Variants in ZNF676 observed in about 807,000 individuals in gnomAD.
The protein encoded by ZNF676 is zinc finger protein 676.
Under a neutral mutation model 6.0 loss-of-function variants are expected in ZNF676, and 4 were observed. The observed-to-expected ratio is 0.67, with a 90% CI of 0.33 to 1.53. ZNF676 has a LOEUF of 1.53. Ranked by LOEUF, ZNF676 falls within the 40% of genes most tolerant of loss-of-function variation. The probability of loss-of-function intolerance (pLI) is 0.06; values close to 1 mark genes in which losing one functional copy is unlikely to be tolerated. For missense variants in ZNF676, 644 were observed against 679.7 expected (o/e 0.95, Z 0.58); for synonymous variants, 198 against 223.1 (o/e 0.89, Z 1.00).
intron 1 of ZNF676, among the ~76,000 whole-genome samples, chr19:22,213,139 A>C (rs1190197880): frequency 1.3e-5 from 2 of 152,196 alleles, no homozygotes; most frequent in Non-Finnish European, 2.9e-5. Context: ...CTGTTCACTT[A>C]AGTGCTCAAT....
upstream of ZNF676, among the ~76,000 whole-genome samples, chr19:22,218,338 T>A (rs1413232440): frequency 6.6e-6 from 1 of 152,038 alleles, no homozygotes; most frequent in Non-Finnish European, 1.5e-5. Context: ...ACTTTTTTTT[T>A]ATTTTTATTT....
intron 1 of ZNF676, among the ~76,000 whole-genome samples, chr19:22,214,186 G>A (rs1409390561): frequency 6.6e-6 from 1 of 152,200 alleles, no homozygotes; most frequent in East Asian, 1.9e-4. Context: ...ATAGGGGGTG[G>A]CAGATAGACT....
chr19:22,225,637 C>T, the ZNF676 span, among the ~76,000 whole-genome samples: 1 of 152,004 alleles, frequency 6.6e-6, no homozygotes, highest in Non-Finnish European at 1.5e-5. Context: ...TGATAGTGGC[C>T]GTTCCAATGG....
the ZNF676 span, among the ~76,000 whole-genome samples, chr19:22,229,197 C>G: frequency 6.6e-6 from 1 of 152,118 alleles, no homozygotes; most frequent in Non-Finnish European, 1.5e-5. Flanking sequence ...AATAACACCA[C>G]ACATCTACAA....
chr19:22,212,377 C>A (rs2024137673), intron 1 of ZNF676, among the ~76,000 whole-genome samples: 1 of 151,864 alleles, frequency 6.6e-6, no homozygotes, highest in Non-Finnish European at 1.5e-5. Context: ...ACCTTTCAAG[C>A]CCTACTAATA....
intron 2 of ZNF676, among the ~76,000 whole-genome samples, chr19:22,184,294 G>A (rs2023801715): frequency 6.6e-6 from 1 of 152,030 alleles, no homozygotes; most frequent in Non-Finnish European, 1.5e-5. Context: ...AAGGGTTTAG[G>A]GACTGTACCA....
the ZNF676 span, among the ~76,000 whole-genome samples, chr19:22,234,958 GCAAGAGAAAGAA>G: frequency 1.7e-5 from 2 of 120,724 alleles, no homozygotes; most frequent in African/African-American, 6.4e-5. Context: ...AAGAAAGAAA[GCAAGAGAAAGAA>G]AGAAAGAAAG....
chr19:22,215,334 T>C (rs746539274), intron 1 of ZNF676, among the ~76,000 whole-genome samples: 102 of 152,112 alleles, frequency 6.7e-4, no homozygotes, highest in Admixed American at 1.2e-3. Context: ...CAAGTCAGGA[T>C]TCTCCTCTGA....
chr19:22,223,300 A>G, the ZNF676 span, among the ~76,000 whole-genome samples: 24 of 152,050 alleles, frequency 1.6e-4, no homozygotes, highest in Non-Finnish European at 2.6e-4. Flanking sequence ...CTGGATCTCA[A>G]AGCTCTTTTG....
At chr19:22,186,963 A>G (rs1420472990) in intron 2 of ZNF676, among the ~76,000 whole-genome samples, 3 of 152,320 alleles carry the variant, frequency 2.0e-5, no homozygotes, top group African/African-American at 2.4e-5. Flanking sequence ...TGTCAATATT[A>G]GACAGATAAA....
chr19:22,233,403 G>A, the ZNF676 span, among the ~76,000 whole-genome samples: 4 of 152,062 alleles, frequency 2.6e-5, no homozygotes, highest in South Asian at 2.1e-4. Context: ...TGTAATCTTT[G>A]ATTGATATTT....
intron 1 of ZNF676, among the ~76,000 whole-genome samples, chr19:22,202,745 T>C (rs2024038417): frequency 6.6e-6 from 1 of 152,224 alleles, no homozygotes; most frequent in Non-Finnish European, 1.5e-5. Flanking sequence ...ACATAGTTCA[T>C]CCTGAATTCA....
chr19:22,188,086 T>C (rs1030431459), intron 2 of ZNF676, among the ~76,000 whole-genome samples: 3 of 152,126 alleles, frequency 2.0e-5, no homozygotes, highest in Non-Finnish European at 4.4e-5. Context: ...CCAATATCCC[T>C]GATGAACACT....
intron 2 of ZNF676, among the ~76,000 whole-genome samples, chr19:22,183,683 C>T (rs1335864856): frequency 6.6e-6 from 1 of 152,114 alleles, no homozygotes; most frequent in East Asian, 1.9e-4. Flanking sequence ...TGCCTTTCTA[C>T]AAGAGTCAGT....
intron 1 of ZNF676, among the ~76,000 whole-genome samples, chr19:22,214,413 G>A (rs990492389): frequency 2.0e-5 from 3 of 151,630 alleles, no homozygotes; most frequent in Non-Finnish European, 4.4e-5. Context: ...TCAGGAGTTC[G>A]AGACCAGCCT....
In ZNF676 at chr19:22,202,236, C is replaced by T. The variant is rs575432167; in HGVS notation, c.4-5510G>A. Among the ~76,000 whole-genome samples, 21 of 150,882 alleles carry T rather than the reference C, an allele frequency of 1.4e-4. No individual in the cohort carries two copies. The South Asian group carries it at 4.4e-3, about 32-fold the overall frequency. ...ATTTTACTCTGATTGGGTTTCTGTG[C>T]CCCATGGTCACTGAATCAGTTTCAG... On this transcript the variant is annotated intron_variant, in intron 1 of 3. Coordinates refer to the ZNF676 transcript ENST00000650058.
At chr19:22,241,586 T>G in the ZNF676 span, among the ~76,000 whole-genome samples, 1 of 151,862 alleles carries the variant, frequency 6.6e-6, no homozygotes, top group Non-Finnish European at 1.5e-5. Flanking sequence ...AGTGTCACAA[T>G]ATTACCTGTG....
At chr19:22,236,127 G>A in the ZNF676 span, among the ~76,000 whole-genome samples, 12 of 151,734 alleles carry the variant, frequency 7.9e-5, no homozygotes, top group African/African-American at 2.2e-4. Flanking sequence ...ATCCCTCCAC[G>A]GATGCAATAT....
At chr19:22,216,114 C>T (rs1331805079), upstream of ZNF676, among the ~76,000 whole-genome samples, 1 of 152,162 alleles carries the variant, frequency 6.6e-6, no homozygotes, top group Admixed American at 6.5e-5. Context: ...AAGAGTAAAT[C>T]AATTTTTACT....
Sources: gnomAD v4.1 joint callset for allele counts (sites outside exome capture counted in the v4.1 genomes callset) on GRCh38, gnomAD v4.1.1 for gene constraint, MANE v1.5 for transcripts, NCBI Gene and HGNC (gene_info 2026-07-23, HGNC 2026-07-21) for gene names.